Variants in ADD3 observed in about 807,000 individuals in gnomAD.
ADD3 encodes the protein adducin 3.
In ADD3, 25 loss-of-function variants were observed where a neutral mutation model predicts 80.2. The observed-to-expected ratio is 0.31, with a 90% CI of 0.23 to 0.44. ADD3 has a LOEUF of 0.44. Among genes scored for constraint, ADD3 ranks in the 20% least tolerant of loss-of-function variants. The pLI is 1.00. For synonymous variants in ADD3, 284 were observed against 289.6 expected (o/e 0.98, Z 0.20); for missense variants, 829 against 847.5 (o/e 0.98, Z 0.27).
chr10:110,071,504 G>GT (rs762662121), intron 1 of ADD3, among the ~76,000 whole-genome samples: 125 of 152,152 alleles, frequency 8.2e-4, no homozygotes, highest in Middle Eastern at 6.8e-3. Flanking sequence ...ATTTCATTTT[G>GT]TTTTTACTTG....
At chr10:110,103,417 G>T (rs1333450815) in intron 2 of ADD3, among the ~76,000 whole-genome samples, 1 of 152,188 alleles carries the variant, frequency 6.6e-6, no homozygotes, top group African/African-American at 2.4e-5. Context: ...CTTTACTGGG[G>T]CTGGAGGATC....
intron 2 of ADD3, among the ~76,000 whole-genome samples, chr10:110,108,126 C>A (rs1293828444): frequency 6.6e-6 from 1 of 152,102 alleles, no homozygotes; most frequent in Non-Finnish European, 1.5e-5. Context: ...GGCCACACCA[C>A]CCTGATTAGA....
chr10:110,133,771 A>G lies in ADD3; in HGVS notation c.*153A>G. The stretch of plus-strand genomic sequence containing the variant: ...TGGAAAGAGGTTTTACAAAAGAAAA[A>G]CTTTCAGATTCATCTCTCATTTTAT... On this transcript the variant is annotated 3_prime_UTR_variant, in exon 15 of 15. Coordinates refer to ENST00000356080, the MANE Select transcript of ADD3 (RefSeq NM_016824.5). 1.7e-6 allele frequency: 1 copy of G among 575,468 alleles called. No homozygotes were observed. Among genetic ancestry groups the G allele is most frequent in the African/African-American group, 1.9e-5 (1 of 51,902 alleles). 35.6% of individuals were successfully genotyped at this position (575,468 alleles called of 1,614,324 possible).
intron 2 of ADD3, among the ~76,000 whole-genome samples, chr10:110,110,832 T>C (rs1375856363): frequency 6.6e-6 from 1 of 151,944 alleles, no homozygotes; most frequent in African/African-American, 2.4e-5. Context: ...CCATCTCTAC[T>C]AAAACTACAA....
intron 1 of ADD3, among the ~76,000 whole-genome samples, chr10:110,011,265 G>T (rs554370971): frequency 6.6e-6 from 1 of 152,244 alleles, no homozygotes; most frequent in Non-Finnish European, 1.5e-5. Context: ...TACCACCTGA[G>T]TTGCTTCCTA....
chr10:110,108,083 A>G (rs938271678), intron 2 of ADD3, among the ~76,000 whole-genome samples: 1 of 152,152 alleles, frequency 6.6e-6, no homozygotes, highest in Non-Finnish European at 1.5e-5. Context: ...ACTCCAGGGA[A>G]CTGTTGGCTA....
chr10:110,070,982 G>C (rs1178867923), intron 1 of ADD3, among the ~76,000 whole-genome samples: 1 of 18,734 alleles, frequency 5.3e-5, no homozygotes, highest in Non-Finnish European at 7.7e-5. Flanking sequence ...TGTTGTTTTT[G>C]GGGGGGGGGG....
chr10:110,063,076 A>T (rs573765161), intron 1 of ADD3, among the ~76,000 whole-genome samples: 11 of 152,300 alleles, frequency 7.2e-5, no homozygotes, highest in South Asian at 2.1e-4. Flanking sequence ...TGCATAATTT[A>T]GTTTCGAACA....
chr10:110,038,871 A>G (rs758474550), intron 1 of ADD3, among the ~76,000 whole-genome samples: 4 of 152,250 alleles, frequency 2.6e-5, no homozygotes, highest in Admixed American at 2.6e-4. Flanking sequence ...ACAGCCATTA[A>G]CAATGATGTT....
intron 1 of ADD3, among the ~76,000 whole-genome samples, chr10:110,072,334 G>C (rs1489273534): frequency 6.6e-6 from 1 of 152,172 alleles, no homozygotes; most frequent in Non-Finnish European, 1.5e-5. Context: ...CAAAGTGCTG[G>C]GATTACAGGC....
Position 110,012,819 on chromosome 10 carries a change from G to A in ADD3, c.-30+4520G>A, listed in dbSNP as rs141769508. Among the ~76,000 whole-genome samples the A allele has an allele frequency of 2.2e-3, 337 of 151,020 alleles. 3 individuals carry two copies. The highest frequency in any genetic ancestry group is 7.7e-3 in the African/African-American group (318 of 41,130). ...TCACTATGTTGCCCAGGCTGGTCTC[G>A]AACTCCTGGGCTCAAGCCATCCTCC... On this transcript the variant is annotated intron_variant, in intron 1 of 14. Transcript: ENST00000356080.
intron 2 of ADD3, among the ~76,000 whole-genome samples, chr10:110,112,506 G>A (rs370189451): frequency 1.3e-5 from 2 of 152,214 alleles, no homozygotes; most frequent in Admixed American, 1.3e-4. Flanking sequence ...TTAATAAGAG[G>A]AGTTTTATCT....
At chr10:109,999,074 G>A (rs1353416925) in intron 1 of ADD3, among the ~76,000 whole-genome samples, 1 of 152,080 alleles carries the variant, frequency 6.6e-6, no homozygotes, top group Admixed American at 6.6e-5. Context: ...GCCTTAATGA[G>A]TGAAAATAAC....
Position 110,119,531 on chromosome 10 carries a change from T to C in ADD3, c.927T>C (p.Tyr309=). 6.2e-7 allele frequency: 1 copy of C among 1,614,140 alleles called. No individual in the cohort carries two copies. The highest frequency in any genetic ancestry group is 1.1e-5 in the South Asian group (1 of 91,082). Residue 309 remains tyrosine (Y), a synonymous_variant, in exon 8 of 15, where the codon TAT becomes TAC. Transcript: ENST00000356080. The part of the protein sequence containing the change: ...LGETLEEAFH[Y]IFNVQLACEI... ...AAACATTAGAGGAGGCTTTTCATTA[T>C]ATTTTTAATGTGCAACTAGCCTGTG...
At chr10:110,068,277 G>A (rs1460536069) in intron 1 of ADD3, among the ~76,000 whole-genome samples, 1 of 152,074 alleles carries the variant, frequency 6.6e-6, no homozygotes, top group Non-Finnish European at 1.5e-5. Context: ...ATTGTCATGA[G>A]CTTTTCCACC....
chr10:110,135,285 G>A lies in ADD3; in HGVS notation c.*1667G>A, dbSNP rs867064204. ...TTTAATGTTCTACATCATTTATGTT[G>A]TATTACAATGTATGTAGAAATAGTA... On this transcript the variant is annotated 3_prime_UTR_variant, in exon 15 of 15. Coordinates refer to ENST00000356080, the MANE Select transcript of ADD3 (RefSeq NM_016824.5). 5 of 152,430 alleles carry A rather than the reference G, an allele frequency of 3.3e-5. No homozygotes were observed. Among genetic ancestry groups the A allele is most frequent in the African/African-American group, 1.2e-4 (5 of 41,380 alleles). The allele number at this position is 152,430 out of a possible 1,614,324, so 9.4% of individuals were successfully genotyped here.
intron 1 of ADD3, among the ~76,000 whole-genome samples, chr10:110,022,297 A>G (rs528283004): frequency 1.3e-5 from 2 of 152,158 alleles, no homozygotes; most frequent in Non-Finnish European, 2.9e-5. Context: ...CTCCATATCT[A>G]TAATTTTAAA....
At chr10:110,082,169 G>A (rs1846137944) in intron 1 of ADD3, among the ~76,000 whole-genome samples, 1 of 151,970 alleles carries the variant, frequency 6.6e-6, no homozygotes, top group South Asian at 2.1e-4. Flanking sequence ...TGAACAATAG[G>A]CTATTAACGT....
chr10:110,123,752 C>G (rs1851804082), intron 9 of ADD3: 4 of 358,936 alleles, frequency 1.1e-5, no homozygotes, highest in Admixed American at 4.1e-5. Context: ...TTCTGGTCAG[C>G]AACTTAGAAC....
Sources: gnomAD v4.1 joint callset for allele counts (sites outside exome capture counted in the v4.1 genomes callset) on GRCh38, gnomAD v4.1.1 for gene constraint, MANE v1.5 for transcripts, NCBI Gene and HGNC (gene_info 2026-07-23, HGNC 2026-07-21) for gene names.